USP3: variants seen among roughly 807,000 people sequenced by gnomAD.
The protein encoded by USP3 is ubiquitin carboxyl-terminal hydrolase 3.
A neutral mutation model predicts 72.3 loss-of-function variants in USP3; 20 were observed. That is an observed-to-expected ratio of 0.28 (90% CI 0.19 to 0.40). The LOEUF (loss-of-function observed/expected upper bound fraction) is 0.40, where lower values mean the gene tolerates loss of function less well. Among genes scored for constraint, USP3 ranks in the 10% least tolerant of loss-of-function variants. USP3 has a pLI of 1.00. For synonymous variants in USP3, 222 were observed against 225.3 expected, an observed-to-expected ratio of 0.99 and a Z score of 0.13; for missense variants, 479 against 633.9, an observed-to-expected ratio of 0.76 and a Z score of 2.62.
chr15:63,566,962 A>G (rs759039192), intron 8 of USP3, among the ~76,000 whole-genome samples: 22 of 152,194 alleles, frequency 1.4e-4, no homozygotes, highest in Non-Finnish European at 2.4e-4. Context: ...AAATTCTAAC[A>G]TATCTTAGGT....
chr15:63,576,198 G>A (rs7171367), intron 11 of USP3, among the ~76,000 whole-genome samples: 13,951 of 152,072 alleles, frequency 0.092, 718 homozygotes, highest in Middle Eastern at 0.14. Flanking sequence ...TGTTGGCTAG[G>A]CTGGTCTTAA....
At chr15:63,547,824 G>GGCATATAGTGGCTC (rs2066366721) in intron 3 of USP3, among the ~76,000 whole-genome samples, 1 of 116,114 alleles carries the variant, frequency 8.6e-6, no homozygotes, top group Non-Finnish European at 1.9e-5. Context: ...CATAGAGAGA[G>GGCATATAGTGGCTC]AGAGAGAGAG....
chr15:63,590,888 T>TA lies in USP3; in HGVS notation c.*63dup. ...AGAAACATTTCCAGTTTTCCACAAA[T>TA]ACTTGATACAAGATTTAATTTCATT... On this transcript the variant is annotated 3_prime_UTR_variant, in exon 15 of 15. Transcript: ENST00000380324. The TA allele has an allele frequency of 6.7e-7, 1 of 1,496,400 alleles. No individual in the cohort carries two copies. Among genetic ancestry groups the TA allele is most frequent in the Non-Finnish European group, 8.9e-7 (1 of 1,117,378 alleles). 92.7% of individuals were successfully genotyped at this position (1,496,400 alleles called of 1,614,324 possible).
Position 63,593,534 on chromosome 15 carries a change from G to A in USP3, c.*2708G>A, listed in dbSNP as rs935434213. 6.6e-6 allele frequency: 1 copy of A among 152,216 alleles called. No individual in the cohort carries two copies. Among genetic ancestry groups the A allele is most frequent in the Non-Finnish European group, 1.5e-5 (1 of 68,038 alleles). The allele number at this position is 152,216 out of a possible 1,614,324, so 9.4% of individuals were successfully genotyped here. A position where few individuals can be genotyped will look rare whatever the true frequency, so the allele number is the denominator to read the frequency against. ...GTTGGACTACTTTGTCGGGCAGAGT[G>A]GTCTTCAGACAGGTGATGCTGTTGG... On this transcript the variant is annotated 3_prime_UTR_variant, in exon 15 of 15. Transcript: ENST00000380324.
chr15:63,547,864 C>CAGAG (rs2066371011), intron 3 of USP3, among the ~76,000 whole-genome samples: 2 of 10,874 alleles, frequency 1.8e-4, no homozygotes, highest in Admixed American at 1.8e-3. Flanking sequence ...GAGAGAGAGG[C>CAGAG]ATAGAGAGAG....
intron 1 of USP3, among the ~76,000 whole-genome samples, chr15:63,526,847 G>A (rs939653853): frequency 6.6e-6 from 1 of 152,176 alleles, no homozygotes; most frequent in African/African-American, 2.4e-5. Flanking sequence ...TATTTATGGG[G>A]GATGATGATA....
chr15:63,556,457 C>T, intron 4 of USP3: 1 of 422,352 alleles, frequency 2.4e-6, no homozygotes, highest in Non-Finnish European at 4.3e-6. Context: ...CAGTGTCCAG[C>T]CCACCTCTGC....
intron 4 of USP3, among the ~76,000 whole-genome samples, chr15:63,554,894 A>G (rs548354757): frequency 2.2e-4 from 33 of 152,254 alleles, no homozygotes; most frequent in Admixed American, 3.9e-4. Flanking sequence ...GATGAGTCCT[A>G]TCTAGGATTA....
intron 3 of USP3, among the ~76,000 whole-genome samples, chr15:63,552,835 G>A (rs536750233): frequency 3.2e-4 from 48 of 151,848 alleles, no homozygotes; most frequent in Non-Finnish European, 6.5e-4. Context: ...TCAAAGTTTT[G>A]TTTGCTCAGA....
rs187458980 is a variant in USP3 at position 63,553,093 on chromosome 15, C to A, written c.285-622C>A. On this transcript the variant is annotated intron_variant, in intron 3 of 14. Coordinates refer to ENST00000380324, the MANE Select transcript of USP3 (RefSeq NM_006537.4). This position sits in a 1 kb window ranked among gnomAD's most constrained non-coding sequence, Gnocchi z 4.2. ...TTTTAAATATAGCTTAAATATTTTT[C>A]TTCAAAGCACTTATCAGTTGCCTGA... Among the ~76,000 whole-genome samples, 316 of 152,280 alleles carry A rather than the reference C, an allele frequency of 2.1e-3. No homozygotes were observed. The highest frequency in any genetic ancestry group is 7.3e-3 in the African/African-American group (304 of 41,564).
intron 11 of USP3, chr15:63,587,692 T>TAAAC (rs979783821): frequency 6.6e-6 from 1 of 152,244 alleles, no homozygotes; most frequent in Non-Finnish European, 1.5e-5. Context: ...GACAATAATG[T>TAAAC]AAACAAGTGG....
chr15:63,511,953 C>CTTTT (rs58146448), intron 1 of USP3, among the ~76,000 whole-genome samples: 42 of 112,264 alleles, frequency 3.7e-4, no homozygotes, highest in Non-Finnish European at 4.2e-4. Context: ...AACTGCAGAT[C>CTTTT]TTTTTTTTTT....
intron 8 of USP3, among the ~76,000 whole-genome samples, chr15:63,564,911 T>A (rs746989678): frequency 6.6e-6 from 1 of 152,244 alleles, no homozygotes; most frequent in Non-Finnish European, 1.5e-5. Context: ...TGCAGGTCAC[T>A]GCACAATGCC....
intron 3 of USP3, among the ~76,000 whole-genome samples, chr15:63,545,985 A>AAAC (rs1482165984): frequency 1.3e-5 from 2 of 148,802 alleles, no homozygotes; most frequent in African/African-American, 4.9e-5. Flanking sequence ...AAAAAAAAAA[A>AAAC]AAAAAAAAAA....
rs773201813 is a variant in USP3, at chr15:63,544,902, GA to G, written c.284+7748del. On this transcript the variant is annotated intron_variant, in intron 3 of 14. Transcript: ENST00000380324. The surrounding 1 kb of genome is among the most constrained non-coding windows in gnomAD (Gnocchi z 4.2). ...CTTAGTTCAGTTACAGATAGCTATG[GA>G]ATTGAAAGTTTCTCAGGGAAAAGGG... Among the ~76,000 whole-genome samples, 1 of 152,102 alleles carries G rather than the reference GA, an allele frequency of 6.6e-6. No individual in the cohort carries two copies. The highest frequency in any genetic ancestry group is 1.5e-5 in the Non-Finnish European group (1 of 68,004).
chr15:63,519,914 G>C (rs1056072655), intron 1 of USP3, among the ~76,000 whole-genome samples: 1 of 151,956 alleles, frequency 6.6e-6, no homozygotes. Flanking sequence ...GCTCAAATTA[G>C]CTTATATTTA....
intron 11 of USP3, among the ~76,000 whole-genome samples, chr15:63,586,444 G>A (rs1386103140): frequency 2.6e-5 from 4 of 152,054 alleles, no homozygotes; most frequent in African/African-American, 4.8e-5. Flanking sequence ...CGCTGTCCCC[G>A]CCAAGGCCAT....
rs1423158498 is a variant in USP3, at chr15:63,588,911, A to G, written c.1330-33A>G. ...TAGAGGTCATCGAGATACTGATGTC[A>G]TTGACCACTGCTCCTTCTTCCTTGT... On this transcript the variant is annotated intron_variant, in intron 13 of 14. Transcript: ENST00000380324. The surrounding 1 kb of genome is among the most constrained non-coding windows in gnomAD (Gnocchi z 4.6). 1 of 1,613,586 alleles carries G rather than the reference A, an allele frequency of 6.2e-7. No homozygotes were observed. Among genetic ancestry groups the G allele is most frequent in the Non-Finnish European group, 8.5e-7 (1 of 1,179,608 alleles).
chr15:63,558,829 G>T (rs2066556000), intron 6 of USP3, among the ~76,000 whole-genome samples: 1 of 152,078 alleles, frequency 6.6e-6, no homozygotes, highest in Admixed American at 6.6e-5. Context: ...GAGCCAAGAT[G>T]GCGCCACTAC....
Sources: gnomAD v4.1 joint callset for allele counts (sites outside exome capture counted in the v4.1 genomes callset) on GRCh38, gnomAD v4.1.1 for gene constraint, Gnocchi (gnomAD v3.1) non-coding constraint, MANE v1.5 for transcripts, NCBI Gene and HGNC (gene_info 2026-07-23, HGNC 2026-07-21) for gene names.